The following COL18A1 variants were observed in gnomAD, a reference collection of about 807,000 sequenced individuals.
COL18A1 encodes the protein collagen type XVIII alpha 1 chain, also known as collagen alpha-1(XVIII) chain.
A neutral mutation model predicts 168.0 loss-of-function variants in COL18A1; 133 were observed. The ratio of observed to expected loss-of-function variants is 0.79; its 90% CI spans 0.69 to 0.91. The LOEUF (loss-of-function observed/expected upper bound fraction) is 0.91. Among genes scored for constraint, COL18A1 ranks in the 40% least tolerant of loss-of-function variants. The pLI is 0.00. For missense variants in COL18A1, 2,126 were observed against 1,925.4 expected (o/e 1.10, Z -1.95); for synonymous variants, 949 against 809.0 (o/e 1.17, Z -2.94).
At chr21:45,419,505 G>C (rs1010120529) in intron 2 of COL18A1, among the ~76,000 whole-genome samples, 2 of 152,120 alleles carry the variant, frequency 1.3e-5, no homozygotes, top group Non-Finnish European at 2.9e-5. Context: ...GCCCATCACT[G>C]TTCGGGCCCT....
At chr21:45,422,004 C>A (rs2033639295) in intron 2 of COL18A1, among the ~76,000 whole-genome samples, 1 of 152,142 alleles carries the variant, frequency 6.6e-6, no homozygotes, top group Non-Finnish European at 1.5e-5. Flanking sequence ...CACGCTCGGG[C>A]CGATACGCAC....
intron 2 of COL18A1, among the ~76,000 whole-genome samples, chr21:45,461,117 T>G (rs2035028875): frequency 6.6e-6 from 1 of 152,218 alleles, no homozygotes; most frequent in Non-Finnish European, 1.5e-5. Flanking sequence ...GATACAGTAT[T>G]CTAGCTGTAA....
chr21:45,512,249 TGTGAGAC>T lies in COL18A1; in HGVS notation c.3875_3881del (p.Glu1292GlyfsTer42), dbSNP rs2037655865. On this transcript the variant is annotated frameshift_variant, in exon 42 of 42. Transcript: ENST00000651438. LOFTEE classifies it low-confidence loss of function (END_TRUNC). ...CGGGCGCAGGCTGACCGAGAGCTAC[TGTGAGAC>T]GTGGCGGACGGAGGCTCCCTCGGCC... is the stretch of plus-strand genomic sequence containing the variant. 1 of 1,612,454 alleles carries T rather than the reference TGTGAGAC, an allele frequency of 6.2e-7. No individual in the cohort carries two copies. Among genetic ancestry groups the T allele is most frequent in the Non-Finnish European group, 8.5e-7 (1 of 1,179,756 alleles).
At chr21:45,507,777 C>T (rs2037311837) in intron 38 of COL18A1, among the ~76,000 whole-genome samples, 184 bp downstream of exon 38, 1 of 152,150 alleles carries the variant, frequency 6.6e-6, no homozygotes, top group Non-Finnish European at 1.5e-5. Flanking sequence ...CAGCGCTGGC[C>T]CCCCAGTACC....
In COL18A1 at chr21:45,497,549, G is replaced by A. The variant is rs369306847; in HGVS notation, c.2621-50G>A. On this transcript the variant is annotated intron_variant, in intron 31 of 41. Transcript: ENST00000651438. ...TTCGGGCAGGAGGGGCACCACCCTG[G>A]AGTCCTCCCTGGCACATTCCTGATG... is the stretch of plus-strand genomic sequence containing the variant. 5 of 1,549,900 alleles carry A rather than the reference G, an allele frequency of 3.2e-6. No homozygotes were observed. The African/African-American group carries it at 4.1e-5, about 13-fold the overall frequency.
intron 20 of COL18A1, 43 bp from the exon 21 acceptor site, chr21:45,490,793 C>T (rs1402471844): frequency 1.7e-5 from 27 of 1,545,282 alleles, no homozygotes; most frequent in Non-Finnish European, 1.8e-5. Flanking sequence ...CCAGGGGCTC[C>T]TGTTTCTGTT....
chr21:45,487,916 A>T (rs1398295865), intron 17 of COL18A1, among the ~76,000 whole-genome samples: 2 of 152,240 alleles, frequency 1.3e-5, no homozygotes, highest in South Asian at 4.1e-4. Context: ...TACTGTTAAC[A>T]TGTATACTGC....
chr21:45,512,845 T>C lies in COL18A1; in HGVS notation c.*447T>C. The C allele has an allele frequency of 3.5e-6, 1 of 281,780 alleles. No homozygotes were observed. Among genetic ancestry groups the C allele is most frequent in the Non-Finnish European group, 6.9e-6 (1 of 145,010 alleles). 17.5% of individuals were successfully genotyped at this position (281,780 alleles called of 1,614,324 possible). On this transcript the variant is annotated 3_prime_UTR_variant, in exon 42 of 42. Coordinates refer to ENST00000651438, the MANE Select transcript of COL18A1 (RefSeq NM_001379500.1). ...ACAGGCCCCGTGAGGCAATGGGAGCTGAGGCCACACTCAGCACAAGGCCAT... is the reference window on the plus strand; with the variant it reads ...ACAGGCCCCGTGAGGCAATGGGAGCCGAGGCCACACTCAGCACAAGGCCAT...
At chr21:45,429,114 G>T (rs1207281192) in intron 2 of COL18A1, among the ~76,000 whole-genome samples, 5 of 151,924 alleles carry the variant, frequency 3.3e-5, no homozygotes, top group Non-Finnish European at 5.9e-5. Flanking sequence ...TGTTGGCCAG[G>T]ATGGTCTCGA....
At chr21:45,411,775 G>GGGGGGGGGGGGGGT (rs2033302810) in intron 2 of COL18A1, among the ~76,000 whole-genome samples, 1 of 131,748 alleles carries the variant, frequency 7.6e-6, no homozygotes, top group Non-Finnish European at 1.6e-5. Context: ...GTGGGGGGGG[G>GGGGGGGGGGGGGGT]GCAGGCTGTG....
At position 45,510,078 on chromosome 21, in the gene COL18A1, G is replaced by T. The variant is rs374326288; in HGVS notation, c.3510G>T (p.Ala1170=). The part of the protein sequence containing the change: ...RDFQPVLHLV[A]LNSPLSGGMR... ...TCTCCCCGCAGCTCCACCTGGTTGC[G>T]CTCAACAGCCCCCTGTCAGGCGGCA... Residue 1170 remains alanine, a synonymous_variant, in exon 40 of 42, where the codon GCG becomes GCT. Coordinates refer to ENST00000651438, the MANE Select transcript of COL18A1 (RefSeq NM_001379500.1). The T allele has an allele frequency of 3.2e-6, 5 of 1,576,350 alleles. No individual in the cohort carries two copies. In the South Asian group the frequency reaches 4.6e-5, roughly 14 times the overall value.
At position 45,512,282 on chromosome 21, in the gene COL18A1, A is replaced by G. The variant is rs370518474; in HGVS notation, c.3904A>G (p.Thr1302Ala). The G allele has an allele frequency of 3.7e-6, 6 of 1,611,828 alleles. No homozygotes were observed. Among genetic ancestry groups the G allele is most frequent in the Non-Finnish European group, 5.1e-6 (6 of 1,179,636 alleles). ...GTGGCGGACGGAGGCTCCCTCGGCC[A>G]CGGGCCAGGCCTCCTCGCTGCTGGG... ...ETWRTEAPSA[T>A]GQASSLLGGR... The change falls in exon 42 of 42, where the codon ACG (threonine) becomes GCG (alanine). Residue 1302 changes from threonine (T) to alanine (A), a missense_variant. By Grantham distance (58) the Thr-to-Ala change is moderately conservative (BLOSUM62 0). Coordinates refer to ENST00000651438, the MANE Select transcript of COL18A1 (RefSeq NM_001379500.1).
At chr21:45,430,560 G>A (rs2033927272) in intron 2 of COL18A1, among the ~76,000 whole-genome samples, 1 of 152,280 alleles carries the variant, frequency 6.6e-6, no homozygotes, top group South Asian at 2.1e-4. Context: ...CTCTGGGCAG[G>A]TTCAGGGTCA....
rs943336181 is a variant in COL18A1, at chr21:45,443,757, A to T, written c.107-24485A>T. 6.6e-6 allele frequency among the ~76,000 whole-genome samples: 1 copy of T among 152,164 alleles called. No individual in the cohort carries two copies. The highest frequency in any genetic ancestry group is 2.4e-5 in the African/African-American group (1 of 41,444). On this transcript the variant is annotated intron_variant, in intron 2 of 41. Transcript: ENST00000651438. The surrounding 1 kb of genome is among the most constrained non-coding windows in gnomAD (Gnocchi z 5.2). The stretch of plus-strand genomic sequence containing the variant: ...CTGGTGAAGAGTCTTTATGAGAGCA[A>T]TGCGGCCCCGTGCCCCTTTACGCGG...
At chr21:45,490,640 G>A (rs1383133425) in intron 20 of COL18A1, among the ~76,000 whole-genome samples, 196 bp from the exon 21 acceptor site, 1 of 141,118 alleles carries the variant, frequency 7.1e-6, no homozygotes, top group East Asian at 2.0e-4. Context: ...AGGTCTCTGG[G>A]CCTCCGTGTG....
At chr21:45,508,200 G>T (rs1568948315) in intron 38 of COL18A1, among the ~76,000 whole-genome samples, 1 of 150,618 alleles carries the variant, frequency 6.6e-6, no homozygotes, top group Non-Finnish European at 1.5e-5. Context: ...GTGGACAGGT[G>T]GGTGAGTGTA....
chr21:45,421,676 CTG>C (rs1424653478), intron 2 of COL18A1: 14 of 487,962 alleles, frequency 2.9e-5, no homozygotes, highest in Non-Finnish European at 5.1e-5. Flanking sequence ...GAAGCTCACA[CTG>C]TTTCAGGGTT....
intron 15 of COL18A1, among the ~76,000 whole-genome samples, chr21:45,483,402 C>A (rs2035967246): frequency 6.6e-6 from 1 of 152,192 alleles, no homozygotes; most frequent in South Asian, 2.1e-4. Flanking sequence ...ATGGACCCAG[C>A]CTTCCTTCGG....
At position 45,456,866 on chromosome 21, in the gene COL18A1, A is replaced by G. The variant is rs985853142; in HGVS notation, c.107-11376A>G. 2.5e-5 allele frequency: 36 copies of G among 1,451,388 alleles called. No individual in the cohort carries two copies. In the Admixed American group the frequency reaches 6.8e-4, roughly 27 times the overall value. 89.9% of individuals were successfully genotyped at this position (1,451,388 alleles called of 1,614,324 possible). A position where few individuals can be genotyped will look rare whatever the true frequency, so the allele number is the denominator to read the frequency against. ...CCAGGAGGATGGGTACTGTGTGCTC[A>G]TTGGGCCGGCTGCAGGTAACTGGCC... On this transcript the variant is annotated intron_variant, in intron 2 of 41. Transcript: ENST00000651438.
Sources: gnomAD v4.1 joint callset for allele counts (sites outside exome capture counted in the v4.1 genomes callset) on GRCh38, gnomAD v4.1.1 for gene constraint, Gnocchi (gnomAD v3.1) non-coding constraint, MANE v1.5 for transcripts, NCBI Gene and HGNC (gene_info 2026-07-23, HGNC 2026-07-21) for gene names.